PHC3: variants seen among roughly 807,000 people sequenced by gnomAD.
PHC3 encodes polyhomeotic homolog 3.
In PHC3, 13 loss-of-function variants were observed where a neutral mutation model predicts 107.4. The observed-to-expected ratio is 0.12, with a 90% confidence interval of 0.08 to 0.19. The LOEUF is 0.19. PHC3 is among the 10% of genes least tolerant of loss of function. The pLI is 1.00. For missense variants in PHC3, 992 were observed against 1,210.9 expected (o/e 0.82, Z 2.68); for synonymous variants, 456 against 427.4 (o/e 1.07, Z -0.83).
At chr3:170,170,228 T>C (rs868476493) in intron 4 of PHC3, 18 of 151,976 alleles carry the variant, frequency 1.2e-4, no homozygotes, top group African/African-American at 4.4e-4. Context: ...GCCAATTTTA[T>C]GAAGTATCAA....
At chr3:170,135,247 T>C (rs1026336306) in intron 7 of PHC3, among the ~76,000 whole-genome samples, 5 of 151,994 alleles carry the variant, frequency 3.3e-5, no homozygotes, top group African/African-American at 9.7e-5. Flanking sequence ...GCCTCCTAGG[T>C]TCAAGTAACT....
At chr3:170,117,085 TAGAA>T (rs1719155543) in intron 10 of PHC3, 137 bp downstream of exon 10, 2 of 1,051,896 alleles carry the variant, frequency 1.9e-6, no homozygotes, top group South Asian at 1.6e-5. Flanking sequence ...ATAAAGGAAG[TAGAA>T]AGATAAATGC....
intron 4 of PHC3, chr3:170,170,149 G>A (rs748297095): frequency 6.6e-6 from 1 of 151,770 alleles, no homozygotes; most frequent in East Asian, 1.9e-4. Flanking sequence ...CATACCCTTA[G>A]CTGAAGAAAT....
chr3:170,119,970 C>A (rs1195909331), intron 9 of PHC3, among the ~76,000 whole-genome samples: 1 of 152,142 alleles, frequency 6.6e-6, no homozygotes, highest in African/African-American at 2.4e-5. Flanking sequence ...TTGTCAGGAT[C>A]TCAGACTACA....
Position 170,102,560 on chromosome 3 carries a change from T to G in PHC3, c.2752A>C (p.Ser918Arg). 1 of 1,613,906 alleles carries G rather than the reference T, an allele frequency of 6.2e-7. No individual in the cohort carries two copies. Among genetic ancestry groups the G allele is most frequent in the Non-Finnish European group, 8.5e-7 (1 of 1,179,850 alleles). The part of the protein sequence containing the change: ...DVRIRKMPEN[S>R]DLLPVAQTEP... ...GTTTGTGCAACTGGTAGCAAGTCAC[T>G]GTTCTCAGGCATTTTCCGAATTCTC... The change falls in exon 14 of 15, where the codon AGT (serine) becomes CGT (arginine). Residue 918 changes from serine to arginine, a missense_variant. Around this residue, in one of 6 missense-constraint regions of PHC3, gnomAD observed 228 missense variants for 288.8 expected, o/e 0.79. Transcript: ENST00000495893.
chr3:170,139,604 T>G (rs1461988981), intron 6 of PHC3, among the ~76,000 whole-genome samples: 2 of 152,234 alleles, frequency 1.3e-5, no homozygotes, highest in Non-Finnish European at 2.9e-5. Context: ...TTTTCTGGAA[T>G]TCTGAAGGAA....
rs931148927 is a variant in PHC3, at chr3:170,089,962, T to G, written c.*7268A>C. 3.4e-5 allele frequency: 5 copies of G among 148,998 alleles called. No individual in the cohort carries two copies. Among genetic ancestry groups the G allele is most frequent in the African/African-American group, 1.2e-4 (5 of 40,592 alleles). The allele number at this position is 148,998 out of a possible 1,614,324, so 9.2% of individuals were successfully genotyped here. On this transcript the variant is annotated 3_prime_UTR_variant, in exon 15 of 15. Transcript: ENST00000495893. ...AAAAAAAAGAAAGAAAGTTGCTCACTGTCAATACTGGGTAAAAAGCTCTTA... is the reference window on the plus strand; with the variant it reads ...AAAAAAAAGAAAGAAAGTTGCTCACGGTCAATACTGGGTAAAAAGCTCTTA...
intron 8 of PHC3, among the ~76,000 whole-genome samples, chr3:170,124,374 A>G (rs1720931540): frequency 6.6e-6 from 1 of 152,082 alleles, no homozygotes; most frequent in African/African-American, 2.4e-5. Context: ...CATACTGACT[A>G]ATCTTCCCAT....
intron 10 of PHC3, among the ~76,000 whole-genome samples, chr3:170,114,245 G>A (rs1718452809): frequency 6.6e-6 from 1 of 152,100 alleles, no homozygotes; most frequent in Admixed American, 6.6e-5. Context: ...CCAACCTCAG[G>A]TGATCCACCC....
intron 8 of PHC3, among the ~76,000 whole-genome samples, chr3:170,127,630 AAAC>A (rs1284464277): frequency 6.6e-6 from 1 of 152,244 alleles, no homozygotes; most frequent in Non-Finnish European, 1.5e-5. Context: ...TGAAAAGAAA[AAAC>A]AAGTATTAAT....
At chr3:170,115,110 C>T (rs1718644849) in intron 10 of PHC3, among the ~76,000 whole-genome samples, 2 of 152,032 alleles carry the variant, frequency 1.3e-5, no homozygotes, top group African/African-American at 4.8e-5. Flanking sequence ...GGAATTCATA[C>T]TAAGAAACTT....
chr3:170,159,233 C>A lies in PHC3; in HGVS notation c.415-9989G>T, dbSNP rs566701375. 2.6e-3 allele frequency among the ~76,000 whole-genome samples: 311 copies of A among 118,730 alleles called. 1 individual carries two copies. Among genetic ancestry groups the A allele is most frequent in the Middle Eastern group, 8.9e-3 (1 of 112 alleles). The allele number at this position is 118,730 out of a possible 152,430, so 77.9% of individuals were successfully genotyped here. On this transcript the variant is annotated intron_variant, in intron 4 of 14. Coordinates refer to ENST00000495893, the MANE Select transcript of PHC3 (RefSeq NM_024947.4). ...CGCCACTGCACTCCAGCCTGGAAGA[C>A]AGAGCGAGACTCGGTCTCAAAAAAA...
chr3:170,142,912 A>G (rs149136598), intron 6 of PHC3, among the ~76,000 whole-genome samples: 1,860 of 152,298 alleles, frequency 0.012, 40 homozygotes, highest in African/African-American at 0.042. Flanking sequence ...AGTGGCTCAC[A>G]CCTGTACTCC....
At chr3:170,110,724 A>C (rs934394970) in intron 11 of PHC3, among the ~76,000 whole-genome samples, 3 of 152,148 alleles carry the variant, frequency 2.0e-5, no homozygotes, top group Non-Finnish European at 4.4e-5. Flanking sequence ...TACATACATA[A>C]CCTGTCATGT....
chr3:170,148,871 G>A, intron 5 of PHC3: 2 of 461,152 alleles, frequency 4.3e-6, no homozygotes, highest in Non-Finnish European at 7.8e-6. Context: ...GCTTCTCAAT[G>A]TAATAATTAC....
intron 14 of PHC3, among the ~76,000 whole-genome samples, chr3:170,098,318 T>G (rs1714917370): frequency 6.6e-6 from 1 of 152,200 alleles, no homozygotes. Flanking sequence ...AGTAAAATTT[T>G]AAGATGAATT....
intron 10 of PHC3, chr3:170,116,994 G>T: frequency 4.0e-6 from 2 of 498,234 alleles, no homozygotes; most frequent in Non-Finnish European, 7.1e-6. Flanking sequence ...ATAAAAATAT[G>T]TCCTGAAATT....
At chr3:170,141,272 C>T (rs999670339) in intron 6 of PHC3, among the ~76,000 whole-genome samples, 3 of 152,214 alleles carry the variant, frequency 2.0e-5, no homozygotes, top group Admixed American at 2.0e-4. Context: ...CAATGCCAGA[C>T]TCACTCACTG....
At chr3:170,173,590 T>C (rs919717232) in intron 2 of PHC3, among the ~76,000 whole-genome samples, 62 of 152,260 alleles carry the variant, frequency 4.1e-4, no homozygotes, top group African/African-American at 1.3e-3. Flanking sequence ...AAGAATTGAG[T>C]TAATTTTAAA....
Sources: allele counts gnomAD v4.1 joint callset (sites outside exome capture counted in the v4.1 genomes callset), GRCh38; gene constraint gnomAD v4.1.1; regional missense constraint gnomAD v4.1.1; transcripts MANE v1.5; gene names NCBI Gene and HGNC (gene_info 2026-07-23, HGNC 2026-07-21).